The following CCDC40 variants were observed in gnomAD, a reference collection of about 807,000 sequenced individuals.
CCDC40 encodes coiled-coil domain-containing protein 40.
CCDC40 carries 104 observed loss-of-function variants against 124.5 expected under a neutral mutation model. The ratio of observed to expected loss-of-function variants is 0.84; its 90% CI spans 0.71 to 0.98. The LOEUF is 0.98. Among genes scored for constraint, CCDC40 ranks in the 50% least tolerant of loss-of-function variants. The pLI, the probability that CCDC40 is intolerant of heterozygous loss-of-function variation, is 0.00. For synonymous variants in CCDC40, 580 were observed against 602.9 expected, an observed-to-expected ratio of 0.96 and a Z score of 0.56; for missense variants, 1,463 against 1,503.9, an observed-to-expected ratio of 0.97 and a Z score of 0.45.
rs573871771 is a variant in CCDC40 at position 80,069,676 on chromosome 17, G to A, written c.1562+4070G>A. On this transcript the variant is annotated intron_variant, in intron 10 of 19. Transcript: ENST00000397545. Reference sequence around the variant, plus strand: ...TGAGGCAGGAGAATCGCCTGAACCCGGGAGGTGGAGGTGGCGGTGAAGCAA... The same window carrying A: ...TGAGGCAGGAGAATCGCCTGAACCCAGGAGGTGGAGGTGGCGGTGAAGCAA... 9.9e-5 allele frequency among the ~76,000 whole-genome samples: 15 copies of A among 152,284 alleles called. No individual in the cohort carries two copies. In the South Asian group the frequency reaches 1.5e-3, roughly 15 times the overall value.
Position 80,084,760 on chromosome 17 carries a change from A to C in CCDC40, c.2007A>C (p.Lys669Asn). Residue 669 changes from lysine to asparagine, a missense_variant, in exon 13 of 20, where the codon AAA (lysine) becomes AAC (asparagine). Transcript: ENST00000397545. Reference sequence around the variant, plus strand: ...CAATTCAGATGACACATCTTTCCAAAATCAACGGTGACATTGCCCAGACCA... The same window carrying C: ...CAATTCAGATGACACATCTTTCCAACATCAACGGTGACATTGCCCAGACCA... ...EKTNMMTHLSKINGDIAQTTL... is the reference protein window; with the variant it reads ...EKTNMMTHLSNINGDIAQTTL... 1 of 1,614,056 alleles carries C rather than the reference A, an allele frequency of 6.2e-7. No individual in the cohort carries two copies. Among genetic ancestry groups the C allele is most frequent in the East Asian group, 2.2e-5 (1 of 44,880 alleles).
intron 10 of CCDC40, among the ~76,000 whole-genome samples, chr17:80,075,771 G>A (rs771110788): frequency 6.6e-6 from 1 of 151,300 alleles, no homozygotes; most frequent in Admixed American, 6.6e-5. Context: ...GAGCCACTGC[G>A]CCCGGCCCCA....
intron 9 of CCDC40, among the ~76,000 whole-genome samples, chr17:80,064,394 T>TA (rs150930173): frequency 0.077 from 11,728 of 152,108 alleles, 1,448 homozygotes; most frequent in African/African-American, 0.26. Flanking sequence ...GTGCTTGCAT[T>TA]GGGGATGACT....
At chr17:80,070,560 G>A (rs899904126) in intron 10 of CCDC40, among the ~76,000 whole-genome samples, 37 of 152,048 alleles carry the variant, frequency 2.4e-4, no homozygotes, top group African/African-American at 8.9e-4. Context: ...GTGATTGCAC[G>A]AATGCACTCC....
chr17:80,048,407 A>G (rs1473396024), intron 4 of CCDC40, 176 bp from the exon 5 acceptor site: 11 of 663,020 alleles, frequency 1.7e-5, no homozygotes, highest in Non-Finnish European at 2.8e-5. Context: ...GAGTCAGGGA[A>G]TAGAAGATGG....
At chr17:80,090,663 C>T in intron 17 of CCDC40, 1 of 1,435,724 alleles carries the variant, frequency 7.0e-7, no homozygotes, top group Non-Finnish European at 9.1e-7. Context: ...TCCTTCACAG[C>T]CGCGTTGTCT....
chr17:80,061,050 A>C (rs1218964199), intron 9 of CCDC40, among the ~76,000 whole-genome samples: 3 of 152,196 alleles, frequency 2.0e-5, no homozygotes, highest in African/African-American at 7.2e-5. Context: ...ACCTTAAAGG[A>C]AAAGACTAGG....
rs368789557 is a variant in CCDC40 at position 80,082,079 on chromosome 17, G to A, written c.1989+21G>A. 14 of 1,610,722 alleles carry A rather than the reference G, an allele frequency of 8.7e-6. No homozygotes were observed. In the African/African-American group the frequency reaches 1.2e-4, roughly 14 times the overall value. On this transcript the variant is annotated intron_variant, in intron 12 of 19. Transcript: ENST00000397545. ...ACATGGTAGGCCCCTGCCCCAGGGA[G>A]GGGCTGTGCGAAGCCCCCTGCAGCC... is the stretch of plus-strand genomic sequence containing the variant.
chr17:80,077,813 C>T (rs190407674), intron 10 of CCDC40, among the ~76,000 whole-genome samples: 22 of 152,246 alleles, frequency 1.4e-4, no homozygotes, highest in South Asian at 1.0e-3. Flanking sequence ...CTCATTTTTC[C>T]GCTGAGTGGC....
At chr17:80,037,162 C>G (rs1306426675) in intron 1 of CCDC40, among the ~76,000 whole-genome samples, 1 of 152,212 alleles carries the variant, frequency 6.6e-6, no homozygotes, top group Non-Finnish European at 1.5e-5. Context: ...AAGGACAGAT[C>G]CCCTCTCGCA....
chr17:80,089,690 C>A, intron 16 of CCDC40, 74 bp from the exon 17 acceptor site: 2 of 1,573,328 alleles, frequency 1.3e-6, no homozygotes, highest in Admixed American at 3.3e-5. Flanking sequence ...CCTTGTAAAG[C>A]CTTAGAGTGT....
At chr17:80,077,706 G>A (rs185020931) in intron 10 of CCDC40, among the ~76,000 whole-genome samples, 10 of 152,262 alleles carry the variant, frequency 6.6e-5, no homozygotes, top group African/African-American at 1.7e-4. Context: ...ATCGCCTTGC[G>A]GTCTGAGCCT....
chr17:80,044,717 A>ATG (rs1568671674), intron 3 of CCDC40, among the ~76,000 whole-genome samples: 30 of 40,614 alleles, frequency 7.4e-4, no homozygotes, highest in African/African-American at 2.1e-3. Flanking sequence ...AAAAAAAAAA[A>ATG]TATATATATA....
chr17:80,099,925 A>G lies in CCDC40; in HGVS notation c.*150A>G. ...AGAGAAATAAGCCAGCCCCACCCAT[A>G]GGAATCTTTTTAGCCACTCAGCAAT... On this transcript the variant is annotated 3_prime_UTR_variant, in exon 20 of 20. Transcript: ENST00000397545. The G allele has an allele frequency of 1.3e-6, 1 of 793,106 alleles. No individual in the cohort carries two copies. The highest frequency in any genetic ancestry group is 2.7e-5 in the East Asian group (1 of 37,206). The allele number at this position is 793,106 out of a possible 1,614,324, so 49.1% of individuals were successfully genotyped here. A position where few individuals can be genotyped will look rare whatever the true frequency, so the allele number is the denominator to read the frequency against.
chr17:80,049,654 C>T (rs1031720940), intron 5 of CCDC40, among the ~76,000 whole-genome samples: 1 of 152,012 alleles, frequency 6.6e-6, no homozygotes, highest in Non-Finnish European at 1.5e-5. Context: ...CTCCACCCCA[C>T]CCTCTGGCCC....
intron 19 of CCDC40, 38 bp downstream of exon 19, chr17:80,097,441 A>T (rs372778887): frequency 2.5e-6 from 4 of 1,611,794 alleles, no homozygotes; most frequent in African/African-American, 1.3e-5. Context: ...GATGACGGCC[A>T]TGGAACATGC....
chr17:80,079,831 T>C (rs1301129091), intron 10 of CCDC40, among the ~76,000 whole-genome samples: 1 of 150,692 alleles, frequency 6.6e-6, no homozygotes, highest in African/African-American at 2.5e-5. Flanking sequence ...CTCAGGCAGC[T>C]GAGGCATGAG....
chr17:80,046,038 C>T (rs2037413035), intron 3 of CCDC40, among the ~76,000 whole-genome samples: 1 of 152,092 alleles, frequency 6.6e-6, no homozygotes, highest in African/African-American at 2.4e-5. Flanking sequence ...ACTATGACAC[C>T]CGTATTCCCA....
chr17:80,090,344 CAAGGGACGCGCGCAGGCACGTGCACGA>C, intron 17 of CCDC40: 1 of 618,480 alleles, frequency 1.6e-6, no homozygotes, highest in East Asian at 3.6e-5. Flanking sequence ...CGTGCACGAA[CAAGGGACGCGCGCAGGCACGTGCACGA>C]ACACAGGACA....
Sources: gnomAD v4.1 joint callset for allele counts (sites outside exome capture counted in the v4.1 genomes callset) on GRCh38, gnomAD v4.1.1 for gene constraint, MANE v1.5 for transcripts, NCBI Gene and HGNC (gene_info 2026-07-23, HGNC 2026-07-21) for gene names.